Variants in ORAI2 observed in about 807,000 individuals in gnomAD.
ORAI2 encodes protein orai-2.
ORAI2 carries 10 observed loss-of-function variants against 16.2 expected under a neutral mutation model. That is an observed-to-expected ratio of 0.62 (90% confidence interval 0.38 to 1.04). The LOEUF is 1.04. ORAI2 is among the 50% of genes least tolerant of loss of function. The pLI is 0.01. For missense variants in ORAI2, 238 were observed against 355.5 expected, an observed-to-expected ratio of 0.67 and a Z score of 2.66; for synonymous variants, 150 against 157.5, an observed-to-expected ratio of 0.95 and a Z score of 0.35.
At position 102,453,712 on chromosome 7, in the gene ORAI2, AC is replaced by A. The variant is rs1156894117; in HGVS notation, c.*6663del. 6.6e-6 allele frequency: 1 copy of A among 152,034 alleles called. No individual in the cohort carries two copies. The highest frequency in any genetic ancestry group is 2.4e-5 in the African/African-American group (1 of 41,368). 9.4% of individuals were successfully genotyped at this position (152,034 alleles called of 1,614,324 possible). ...ACTGGCATTGAAGGACCCACTCCAC[AC>A]CCAGCAGATCATCGACGCAGACTTT... On this transcript the variant is annotated 3_prime_UTR_variant, in exon 4 of 4. Transcript: ENST00000495936.
intron 3 of ORAI2, among the ~76,000 whole-genome samples, chr7:102,444,488 A>G (rs1053422167): frequency 4.6e-5 from 6 of 131,840 alleles, no homozygotes; most frequent in Middle Eastern, 4.2e-3. Context: ...CCTGACCTCA[A>G]GTGATCCGCC....
chr7:102,440,357 C>T (rs1390435908), intron 3 of ORAI2, among the ~76,000 whole-genome samples: 1 of 152,100 alleles, frequency 6.6e-6, no homozygotes, highest in African/African-American at 2.4e-5. Context: ...TGAGTCATCC[C>T]CTAGGACAAG....
At chr7:102,444,342 C>T (rs558977871) in intron 3 of ORAI2, among the ~76,000 whole-genome samples, 55 of 148,024 alleles carry the variant, frequency 3.7e-4, no homozygotes, top group African/African-American at 1.3e-3. Context: ...AACCCCTGCC[C>T]GCCAGATTCA....
chr7:102,443,133 T>TCTTCTTCTTCTTCTTC (rs776376067), intron 3 of ORAI2, among the ~76,000 whole-genome samples: 2 of 72,462 alleles, frequency 2.8e-5, no homozygotes, highest in African/African-American at 1.2e-4. Context: ...TTCTTCTTCT[T>TCTTCTTCTTCTTCTTC]TTTTTTTTTT....
intron 3 of ORAI2, among the ~76,000 whole-genome samples, chr7:102,445,164 C>CATGCCTCCT (rs1563637715): frequency 3.3e-5 from 5 of 151,564 alleles, no homozygotes; most frequent in African/African-American, 7.3e-5. Context: ...GATGCCGGCT[C>CATGCCTCCT]TCACTGGGCT....
At position 102,447,065 on chromosome 7, in the gene ORAI2, CG is replaced by C; in HGVS notation, c.*17del. ...GCAGGTCTTGTGAGGGGCCGAGGGC[CG>C]GGGCTGGGAGCGGCCCTGTGCCCGG... On this transcript the variant is annotated 3_prime_UTR_variant, in exon 4 of 4. Coordinates refer to ENST00000495936, the MANE Select transcript of ORAI2 (RefSeq NM_001126340.3). The C allele has an allele frequency of 6.6e-7, 1 of 1,518,050 alleles. No individual in the cohort carries two copies. The highest frequency in any genetic ancestry group is 8.8e-7 in the Non-Finnish European group (1 of 1,136,236). 94.0% of individuals were successfully genotyped at this position (1,518,050 alleles called of 1,614,324 possible). A position where few individuals can be genotyped will look rare whatever the true frequency, so the allele number is the denominator to read the frequency against.
chr7:102,447,296 GGT>G lies in ORAI2; in HGVS notation c.*245_*246del, dbSNP rs1163429850. On this transcript the variant is annotated 3_prime_UTR_variant, in exon 4 of 4. Coordinates refer to ENST00000495936, the MANE Select transcript of ORAI2 (RefSeq NM_001126340.3). ...GGTTCCTTGGCCTCGGGGTTTCCTG[GGT>G]CGGGGACACGGTGAAGAGGCTCCAG... The G allele has an allele frequency of 1.9e-6, 1 of 532,212 alleles. No individual in the cohort carries two copies. The highest frequency in any genetic ancestry group is 3.3e-5 in the East Asian group (1 of 30,640). 33.0% of individuals were successfully genotyped at this position (532,212 alleles called of 1,614,324 possible). A position where few individuals can be genotyped will look rare whatever the true frequency, so the allele number is the denominator to read the frequency against.
In ORAI2 at chr7:102,448,069, G is replaced by GGCAA. The variant is rs1209504385; in HGVS notation, c.*1019_*1022dup. On this transcript the variant is annotated 3_prime_UTR_variant, in exon 4 of 4. Transcript: ENST00000495936. Reference sequence around the variant, plus strand: ...GACAGCCTGGGGGACTTCCTGCCTAGGCAAGGTCATTGGCCGGGCCTGGCC... The same window carrying GGCAA: ...GACAGCCTGGGGGACTTCCTGCCTAGGCAAGCAAGGTCATTGGCCGGGCCTGGCC... 2 of 152,364 alleles carry GGCAA rather than the reference G, an allele frequency of 1.3e-5. No individual in the cohort carries two copies. The highest frequency in any genetic ancestry group is 4.8e-5 in the African/African-American group (2 of 41,478). 9.4% of individuals were successfully genotyped at this position (152,364 alleles called of 1,614,324 possible).
rs1797610790 is a variant in ORAI2, at chr7:102,454,997, C to G, written c.*7945C>G. Reference sequence around the variant, plus strand: ...TTTGAGACCAGCCTGGGCAACATAGCAAGACTCTATCTCCACTAAAAATCA... The same window carrying G: ...TTTGAGACCAGCCTGGGCAACATAGGAAGACTCTATCTCCACTAAAAATCA... On this transcript the variant is annotated 3_prime_UTR_variant, in exon 4 of 4. Transcript: ENST00000495936. 1 of 153,114 alleles carries G rather than the reference C, an allele frequency of 6.5e-6. No homozygotes were observed. The allele number at this position is 153,114 out of a possible 1,614,324, so 9.5% of individuals were successfully genotyped here. A position where few individuals can be genotyped will look rare whatever the true frequency, so the allele number is the denominator to read the frequency against.
rs1450549028 is a variant in ORAI2 at position 102,446,769 on chromosome 7, T to C, written c.482T>C (p.Phe161Ser). 6.2e-7 allele frequency: 1 copy of C among 1,614,116 alleles called. No homozygotes were observed. Among genetic ancestry groups the C allele is most frequent in the Admixed American group, 1.7e-5 (1 of 60,010 alleles). Residue 161 changes from phenylalanine to serine, a missense_variant, in exon 4 of 4, where the codon TTC becomes TCC. Phe to Ser is a radical substitution (Grantham distance 155, BLOSUM62 -2). This residue lies in a region of ORAI2 where 176 missense variants were observed against 265.9 expected (regional missense o/e 0.66). Coordinates refer to ENST00000495936, the MANE Select transcript of ORAI2 (RefSeq NM_001126340.3). The part of the protein sequence containing the change: ...GFSTVLGILL[F>S]LAEVVLLCWI... ...TCCACCGTGCTTGGCATCCTACTCTTCCTGGCCGAGGTGGTGCTGCTCTGC... is the reference window on the plus strand; with the variant it reads ...TCCACCGTGCTTGGCATCCTACTCTCCCTGGCCGAGGTGGTGCTGCTCTGC...
At chr7:102,440,112 A>G (rs1475381846) in intron 3 of ORAI2, among the ~76,000 whole-genome samples, 1 of 152,060 alleles carries the variant, frequency 6.6e-6, no homozygotes, top group Admixed American at 6.6e-5. Context: ...AAAAAGATAA[A>G]ATCAAATCAA....
rs374353790 is a variant in ORAI2 at position 102,451,520 on chromosome 7, T to C, written c.*4468T>C. 3 of 152,272 alleles carry C rather than the reference T, an allele frequency of 2.0e-5. No homozygotes were observed. The highest frequency in any genetic ancestry group is 3.8e-4 in the East Asian group (2 of 5,206). 9.4% of individuals were successfully genotyped at this position (152,272 alleles called of 1,614,324 possible). A position where few individuals can be genotyped will look rare whatever the true frequency, so the allele number is the denominator to read the frequency against. On this transcript the variant is annotated 3_prime_UTR_variant, in exon 4 of 4. Transcript: ENST00000495936. ...CTGATGATCTATGCATGGCGTTATG[T>C]AGATCACGTGCGGCAGAGACAGCCA... is the stretch of plus-strand genomic sequence containing the variant.
At position 102,450,865 on chromosome 7, in the gene ORAI2, G is replaced by A. The variant is rs1017953629; in HGVS notation, c.*3813G>A. ...GAATGCCATTGCAGCCTAGAAATTC[G>A]GTTTCTGGAGGTTTAGCCTGATTTT... is the stretch of plus-strand genomic sequence containing the variant. On this transcript the variant is annotated 3_prime_UTR_variant, in exon 4 of 4. Coordinates refer to ENST00000495936, the MANE Select transcript of ORAI2 (RefSeq NM_001126340.3). 1.3e-5 allele frequency: 2 copies of A among 152,146 alleles called. No individual in the cohort carries two copies. The highest frequency in any genetic ancestry group is 2.1e-4 in the South Asian group (1 of 4,828). The allele number at this position is 152,146 out of a possible 1,614,324, so 9.4% of individuals were successfully genotyped here. A position where few individuals can be genotyped will look rare whatever the true frequency, so the allele number is the denominator to read the frequency against.
chr7:102,441,534 A>G (rs1193072912), intron 3 of ORAI2, among the ~76,000 whole-genome samples: 1 of 145,012 alleles, frequency 6.9e-6, no homozygotes, highest in Admixed American at 6.9e-5. Flanking sequence ...GCGAGACTGC[A>G]TCTCAAAAAA....
At chr7:102,443,279 T>A (rs1797264651) in intron 3 of ORAI2, among the ~76,000 whole-genome samples, 1 of 147,884 alleles carries the variant, frequency 6.8e-6, no homozygotes, top group African/African-American at 2.5e-5. Flanking sequence ...TTCTCCTTTT[T>A]TTTTTTTTTT....
chr7:102,438,643 C>T (rs1426288111), intron 2 of ORAI2, among the ~76,000 whole-genome samples: 1 of 152,124 alleles, frequency 6.6e-6, no homozygotes, highest in African/African-American at 2.4e-5. Flanking sequence ...GGCGTGGTGG[C>T]GGACACATAA....
At position 102,433,635 on chromosome 7, in the gene ORAI2, G is replaced by C. The variant is rs1175748630; in HGVS notation, c.-149G>C. 6.6e-6 allele frequency: 1 copy of C among 151,556 alleles called. No individual in the cohort carries two copies. The highest frequency in any genetic ancestry group is 1.9e-4 in the East Asian group (1 of 5,178). The allele number at this position is 151,556 out of a possible 1,614,324, so 9.4% of individuals were successfully genotyped here. A position where few individuals can be genotyped will look rare whatever the true frequency, so the allele number is the denominator to read the frequency against. On this transcript the variant is annotated 5_prime_UTR_variant, in exon 1 of 4. Coordinates refer to ENST00000495936, the MANE Select transcript of ORAI2 (RefSeq NM_001126340.3). This position sits in a 1 kb window ranked among gnomAD's most constrained non-coding sequence, Gnocchi z 4.6. Reference sequence around the variant, plus strand: ...CGGCCACGCAGTCCGAGCGGGAGCCGAGCCGGGCGGGGCGAGGGCAGCTCC... The same window carrying C: ...CGGCCACGCAGTCCGAGCGGGAGCCCAGCCGGGCGGGGCGAGGGCAGCTCC...
chr7:102,440,655 C>T (rs1033074531), intron 3 of ORAI2, among the ~76,000 whole-genome samples: 1 of 151,872 alleles, frequency 6.6e-6, no homozygotes, highest in African/African-American at 2.4e-5. Context: ...CTGCCTCAGT[C>T]TCCTGAGTAG....
chr7:102,436,184 C>A (rs1797054764), intron 1 of ORAI2, 41 bp from the exon 2 acceptor site: 2 of 349,724 alleles, frequency 5.7e-6, no homozygotes, highest in Non-Finnish European at 8.0e-6. Flanking sequence ...TTATGTGGAG[C>A]TAACCTACGG....
Sources: gnomAD v4.1 joint callset for allele counts (sites outside exome capture counted in the v4.1 genomes callset) on GRCh38, gnomAD v4.1.1 for gene constraint, gnomAD v4.1.1 regional missense constraint, Gnocchi (gnomAD v3.1) non-coding constraint, MANE v1.5 for transcripts, NCBI Gene and HGNC (gene_info 2026-07-23, HGNC 2026-07-21) for gene names.